The following NXPH2 variants were observed in gnomAD, a reference collection of about 807,000 sequenced individuals.
NXPH2 encodes neurexophilin 2.
In NXPH2, 5 loss-of-function variants were observed where a neutral mutation model predicts 19.8. The observed-to-expected ratio is 0.25, with a 90% CI of 0.13 to 0.53. The LOEUF (loss-of-function observed/expected upper bound fraction) is 0.53. Ranked by LOEUF, NXPH2 falls within the 20% of genes least tolerant of loss-of-function variation. NXPH2 has a pLI of 0.96. For synonymous variants in NXPH2, 154 were observed against 127.4 expected, an observed-to-expected ratio of 1.21 and a Z score of -1.41; for missense variants, 289 against 322.8, an observed-to-expected ratio of 0.90 and a Z score of 0.80.
Position 138,669,693 on chromosome 2 carries a change from C to A in NXPH2, c.*1229G>T, listed in dbSNP as rs562985004. Among the ~76,000 whole-genome samples the A allele has an allele frequency of 1.3e-5, 2 of 152,232 alleles. No individual in the cohort carries two copies. The highest frequency in any genetic ancestry group is 1.9e-4 in the East Asian group (1 of 5,180). On this transcript the variant is annotated 3_prime_UTR_variant, in exon 2 of 2. Transcript: ENST00000272641. Reference sequence around the variant, plus strand: ...GAAGCCTTTTTCTTGGCCAACCAGACCCCTGTTTCTGTTCTAATTTAATGA... The same window carrying A: ...GAAGCCTTTTTCTTGGCCAACCAGAACCCTGTTTCTGTTCTAATTTAATGA...
chr2:138,765,317 T>C (rs555155777), intron 1 of NXPH2, among the ~76,000 whole-genome samples: 9 of 152,288 alleles, frequency 5.9e-5, no homozygotes, highest in African/African-American at 1.9e-4. Flanking sequence ...TCCACTGTGG[T>C]TCTCAGACCT....
intron 1 of NXPH2, among the ~76,000 whole-genome samples, chr2:138,718,258 AT>A (rs138712945): frequency 9.1e-4 from 138 of 152,250 alleles, no homozygotes; most frequent in Non-Finnish European, 1.6e-3. Context: ...TACTGTTGAA[AT>A]TAGTGAAAAG....
chr2:138,779,080 CT>C (rs929197180), intron 1 of NXPH2, among the ~76,000 whole-genome samples: 9 of 152,218 alleles, frequency 5.9e-5, no homozygotes, highest in South Asian at 2.1e-4. Context: ...GATTTTCCCC[CT>C]AATAGGAAAA....
rs1428033914 is a variant in NXPH2 at position 138,762,399 on chromosome 2, T to C, written c.51+17792A>G. On this transcript the variant is annotated intron_variant, in intron 1 of 1. Transcript: ENST00000272641. ...AAAGATCACAGCCCTTGCCCACTGC[T>C]AGCACTAATATAATACTGCAGGCAT... Among the ~76,000 whole-genome samples, 5 of 152,218 alleles carry C rather than the reference T, an allele frequency of 3.3e-5. No individual in the cohort carries two copies. The East Asian group carries it at 9.6e-4, about 29-fold the overall frequency.
At chr2:138,672,127 A>T (rs1351679382) in intron 1 of NXPH2, among the ~76,000 whole-genome samples, 1 of 152,184 alleles carries the variant, frequency 6.6e-6, no homozygotes, top group Non-Finnish European at 1.5e-5. Context: ...TATTAAGGGG[A>T]TTATTACATT....
chr2:138,703,282 G>A (rs1573959858), intron 1 of NXPH2, among the ~76,000 whole-genome samples: 1 of 152,086 alleles, frequency 6.6e-6, no homozygotes, highest in Non-Finnish European at 1.5e-5. Flanking sequence ...AAATATTAAA[G>A]CCATACATAC....
At chr2:138,755,733 T>G (rs1191820453) in intron 1 of NXPH2, among the ~76,000 whole-genome samples, 1 of 152,132 alleles carries the variant, frequency 6.6e-6, no homozygotes, top group Non-Finnish European at 1.5e-5. Context: ...AAATTGGTAT[T>G]GCATTGACTC....
At chr2:138,745,973 T>C (rs920693949) in intron 1 of NXPH2, among the ~76,000 whole-genome samples, 3 of 152,052 alleles carry the variant, frequency 2.0e-5, no homozygotes, top group Admixed American at 6.6e-5. Context: ...CAAGAGATGG[T>C]CAAAATAGCC....
At chr2:138,761,500 C>T (rs975668453) in intron 1 of NXPH2, among the ~76,000 whole-genome samples, 2 of 152,230 alleles carry the variant, frequency 1.3e-5, no homozygotes, top group African/African-American at 4.8e-5. Context: ...AATGCATCTG[C>T]TGTGCCTCCT....
At chr2:138,765,749 A>G (rs1378240732) in intron 1 of NXPH2, among the ~76,000 whole-genome samples, 3 of 152,198 alleles carry the variant, frequency 2.0e-5, no homozygotes, top group Non-Finnish European at 4.4e-5. Context: ...TTTCATACCA[A>G]AAATATAACC....
Position 138,775,996 on chromosome 2 carries a change from G to A in NXPH2, c.51+4195C>T, listed in dbSNP as rs182722958. Among the ~76,000 whole-genome samples, 411 of 152,084 alleles carry A rather than the reference G, an allele frequency of 2.7e-3. 2 individuals carry two copies. Among genetic ancestry groups the A allele is most frequent in the Middle Eastern group, 0.017 (5 of 294 alleles). On this transcript the variant is annotated intron_variant, in intron 1 of 1. Coordinates refer to ENST00000272641, the MANE Select transcript of NXPH2 (RefSeq NM_007226.3). Reference sequence around the variant, plus strand: ...TCAAATCTTTCCCAGTAAAGCTTCAGGTAAAAGAGTCCACAGAATATGTAA... The same window carrying A: ...TCAAATCTTTCCCAGTAAAGCTTCAAGTAAAAGAGTCCACAGAATATGTAA...
At chr2:138,695,913 G>A (rs1027232741) in intron 1 of NXPH2, among the ~76,000 whole-genome samples, 1 of 152,096 alleles carries the variant, frequency 6.6e-6, no homozygotes, top group Non-Finnish European at 1.5e-5. Context: ...TTGTGAGAAG[G>A]TGAGGTGGGA....
chr2:138,689,283 T>C (rs1680709305), intron 1 of NXPH2, among the ~76,000 whole-genome samples: 1 of 152,210 alleles, frequency 6.6e-6, no homozygotes, highest in Non-Finnish European at 1.5e-5. Flanking sequence ...GGGGTCCTAC[T>C]AGTTTTAGCC....
At chr2:138,717,436 G>A (rs557278075) in intron 1 of NXPH2, among the ~76,000 whole-genome samples, 1 of 151,490 alleles carries the variant, frequency 6.6e-6, no homozygotes, top group South Asian at 2.1e-4. Flanking sequence ...CATGATCAAA[G>A]TGCCAGCCGA....
At chr2:138,751,869 G>A (rs1235406359) in intron 1 of NXPH2, among the ~76,000 whole-genome samples, 1 of 151,956 alleles carries the variant, frequency 6.6e-6, no homozygotes, top group Non-Finnish European at 1.5e-5. Flanking sequence ...AATTGTAATG[G>A]TAAGTCCTAA....
chr2:138,726,754 C>T (rs765850160), intron 1 of NXPH2, among the ~76,000 whole-genome samples: 3 of 152,182 alleles, frequency 2.0e-5, no homozygotes, highest in African/African-American at 7.2e-5. Flanking sequence ...ACATTTGTTA[C>T]AGGAGTTGAC....
chr2:138,770,674 C>T (rs1682162751), intron 1 of NXPH2, among the ~76,000 whole-genome samples: 2 of 151,978 alleles, frequency 1.3e-5, no homozygotes, highest in Admixed American at 1.3e-4. Flanking sequence ...GTTTTCCTTA[C>T]ATTCCAGCAA....
intron 1 of NXPH2, among the ~76,000 whole-genome samples, chr2:138,729,437 A>G (rs1195132196): frequency 6.6e-6 from 1 of 152,138 alleles, no homozygotes; most frequent in Non-Finnish European, 1.5e-5. Context: ...AGCCTTATGA[A>G]ACTGTGAGGC....
chr2:138,708,030 T>C (rs1681043518), intron 1 of NXPH2, among the ~76,000 whole-genome samples: 1 of 152,214 alleles, frequency 6.6e-6, no homozygotes, highest in African/African-American at 2.4e-5. Context: ...CAGTCACAAA[T>C]CTGACTGTCC....
Sources: allele counts gnomAD v4.1 joint callset (sites outside exome capture counted in the v4.1 genomes callset), GRCh38; gene constraint gnomAD v4.1.1; transcripts MANE v1.5; gene names NCBI Gene and HGNC (gene_info 2026-07-23, HGNC 2026-07-21).